The following STAU2 variants were observed in gnomAD, a reference collection of about 807,000 sequenced individuals.
STAU2 encodes the protein staufen double-stranded RNA binding protein 2.
STAU2 carries 20 observed loss-of-function variants against 65.9 expected under a neutral mutation model. That is an observed-to-expected ratio of 0.30 (90% CI 0.21 to 0.44). The LOEUF (loss-of-function observed/expected upper bound fraction) is 0.44. Ranked by LOEUF, STAU2 falls within the 20% of genes least tolerant of loss-of-function variation. The pLI is 1.00. For missense variants in STAU2, 558 were observed against 683.9 expected, an observed-to-expected ratio of 0.82 and a Z score of 2.05; for synonymous variants, 232 against 233.9, an observed-to-expected ratio of 0.99 and a Z score of 0.07.
intron 12 of STAU2, among the ~76,000 whole-genome samples, chr8:73,568,389 C>G (rs1259598267): frequency 1.3e-5 from 2 of 152,076 alleles, no homozygotes; most frequent in Non-Finnish European, 2.9e-5. Flanking sequence ...TGACTTCAGG[C>G]CAGGAGTTTG....
intron 5 of STAU2, among the ~76,000 whole-genome samples, chr8:73,682,167 A>G (rs1586260629): frequency 6.6e-6 from 1 of 152,288 alleles, no homozygotes; most frequent in Non-Finnish European, 1.5e-5. Flanking sequence ...CAACAACTGC[A>G]AAATGCACAT....
intron 13 of STAU2, chr8:73,441,329 C>T (rs1818116522): frequency 6.6e-6 from 1 of 151,924 alleles, no homozygotes; most frequent in Non-Finnish European, 1.5e-5. Context: ...CACCTGAGGT[C>T]AGGAGTTTGA....
intron 6 of STAU2, among the ~76,000 whole-genome samples, chr8:73,645,886 C>T (rs1459238733): frequency 6.6e-6 from 1 of 152,116 alleles, no homozygotes; most frequent in Non-Finnish European, 1.5e-5. Context: ...GAGAACAGCA[C>T]CAAGGGGATG....
intron 13 of STAU2, among the ~76,000 whole-genome samples, chr8:73,510,189 T>C (rs1822307006): frequency 6.6e-6 from 1 of 152,084 alleles, no homozygotes; most frequent in East Asian, 1.9e-4. Flanking sequence ...TGCCTCAGCC[T>C]CCCAAATAGC....
At chr8:73,571,254 T>C (rs1809063325) in intron 12 of STAU2, among the ~76,000 whole-genome samples, 2 of 152,116 alleles carry the variant, frequency 1.3e-5, no homozygotes, top group South Asian at 2.1e-4. Flanking sequence ...AGCAAGACCT[T>C]AGAGACCTAC....
chr8:73,506,258 C>T (rs1283677463), intron 13 of STAU2, among the ~76,000 whole-genome samples: 2 of 152,084 alleles, frequency 1.3e-5, no homozygotes, highest in African/African-American at 4.8e-5. Context: ...CAAAAGTTCC[C>T]CTGTGCACGT....
chr8:73,593,858 T>C (rs1474548222), intron 11 of STAU2, among the ~76,000 whole-genome samples: 1 of 113,832 alleles, frequency 8.8e-6, no homozygotes. Flanking sequence ...CCTTAATATA[T>C]ATACACAGAC....
intron 13 of STAU2, among the ~76,000 whole-genome samples, chr8:73,546,258 T>A (rs1338991002): frequency 2.0e-5 from 3 of 150,304 alleles, no homozygotes; most frequent in Non-Finnish European, 4.4e-5. Context: ...TGAGCCACCA[T>A]GCCCAGCCAA....
intron 9 of STAU2, among the ~76,000 whole-genome samples, chr8:73,612,716 T>C (rs912090062): frequency 2.6e-5 from 4 of 152,236 alleles, no homozygotes; most frequent in African/African-American, 4.8e-5. Context: ...GTATAAAACC[T>C]GTAAAAATAC....
intron 3 of STAU2, among the ~76,000 whole-genome samples, chr8:73,734,756 T>C (rs1030680442): frequency 2.0e-5 from 3 of 151,694 alleles, no homozygotes; most frequent in Admixed American, 6.6e-5. Flanking sequence ...ATCATGCCAC[T>C]GCACTCCAGC....
At position 73,445,802 on chromosome 8, in the gene STAU2, C is replaced by T. The variant is rs560233391; in HGVS notation, c.1531-23100G>A. Among the ~76,000 whole-genome samples, 18 of 152,316 alleles carry T rather than the reference C, an allele frequency of 1.2e-4. No homozygotes were observed. In the East Asian group the frequency reaches 3.3e-3, roughly 28 times the overall value. Reference sequence around the variant, plus strand: ...CCATATTATACACCTGTTAAAACAGCTGACATAAAAAGTAGTGACACCACC... The same window carrying T: ...CCATATTATACACCTGTTAAAACAGTTGACATAAAAAGTAGTGACACCACC... On this transcript the variant is annotated intron_variant, in intron 13 of 14. Coordinates refer to ENST00000524300, the MANE Select transcript of STAU2 (RefSeq NM_001164380.2).
chr8:73,664,935 T>G (rs1352296092), intron 6 of STAU2, among the ~76,000 whole-genome samples: 1 of 152,044 alleles, frequency 6.6e-6, no homozygotes, highest in African/African-American at 2.4e-5. Context: ...AAAGTTGCAG[T>G]GAGCCAAGAT....
chr8:73,745,158 C>T (rs1021236889), intron 1 of STAU2, among the ~76,000 whole-genome samples: 1 of 152,238 alleles, frequency 6.6e-6, no homozygotes, highest in African/African-American at 2.4e-5. Flanking sequence ...AACACAAACA[C>T]ACCAGATAGT....
At chr8:73,461,035 T>A (rs543222004) in intron 13 of STAU2, among the ~76,000 whole-genome samples, 33 of 152,324 alleles carry the variant, frequency 2.2e-4, no homozygotes, top group Admixed American at 1.3e-3. Context: ...ATTGGGTAAC[T>A]GTGTGCCAAG....
chr8:73,638,717 C>G (rs2130106228), intron 6 of STAU2, among the ~76,000 whole-genome samples: 1 of 151,958 alleles, frequency 6.6e-6, no homozygotes, highest in Admixed American at 6.5e-5. Flanking sequence ...TCAACTATTT[C>G]TGAAAACATA....
chr8:73,746,845 C>A (rs980951824), upstream of STAU2: 7 of 1,223,114 alleles, frequency 5.7e-6, no homozygotes, highest in Non-Finnish European at 7.1e-6. Context: ...AGAACTGACC[C>A]CGCTCGGCCG....
At chr8:73,639,693 T>C (rs760253921) in intron 6 of STAU2, among the ~76,000 whole-genome samples, 4 of 152,252 alleles carry the variant, frequency 2.6e-5, no homozygotes, top group African/African-American at 9.6e-5. Context: ...AAATTCCATG[T>C]TTTAGATGTT....
chr8:73,741,748 G>A (rs949217605), intron 1 of STAU2, among the ~76,000 whole-genome samples: 4 of 152,082 alleles, frequency 2.6e-5, no homozygotes, highest in African/African-American at 9.7e-5. Context: ...CCTGGCCTCG[G>A]GTGATCCATC....
At chr8:73,695,755 G>A (rs1364462358) in intron 4 of STAU2, among the ~76,000 whole-genome samples, 1 of 152,154 alleles carries the variant, frequency 6.6e-6, no homozygotes, top group Non-Finnish European at 1.5e-5. Context: ...TGGTGGTGTT[G>A]GTGGCCACAC....
Sources: allele counts gnomAD v4.1 joint callset (sites outside exome capture counted in the v4.1 genomes callset), GRCh38; gene constraint gnomAD v4.1.1; transcripts MANE v1.5; gene names NCBI Gene and HGNC (gene_info 2026-07-23, HGNC 2026-07-21).